Variants in PDE4D observed in about 807,000 individuals in gnomAD.
PDE4D encodes the protein 3',5'-cyclic-AMP phosphodiesterase 4D.
PDE4D carries 24 observed loss-of-function variants against 87.4 expected under a neutral mutation model. The ratio of observed to expected loss-of-function variants is 0.27; its 90% CI spans 0.20 to 0.39. The LOEUF (loss-of-function observed/expected upper bound fraction) is 0.39, where lower values mean the gene tolerates loss of function less well. Among genes scored for constraint, PDE4D ranks in the 10% least tolerant of loss-of-function variants. The pLI is 1.00. For missense variants in PDE4D, 714 were observed against 1,041.0 expected (o/e 0.69, Z 4.32); for synonymous variants, 384 against 383.2 (o/e 1.00, Z -0.02).
At chr5:59,904,774 C>A (rs1487556539) in intron 3 of PDE4D, among the ~76,000 whole-genome samples, 1 of 151,938 alleles carries the variant, frequency 6.6e-6, no homozygotes, top group African/African-American at 2.4e-5. Flanking sequence ...AGATTGGAGC[C>A]CAATTATTCA....
At chr5:59,893,012 A>G (rs1751184478) in intron 1 of PDE4D, among the ~76,000 whole-genome samples, 156 bp downstream of exon 1, 1 of 152,056 alleles carries the variant, frequency 6.6e-6, no homozygotes, top group South Asian at 2.1e-4. Flanking sequence ...CTCTCAATAA[A>G]GGATAGGCAC....
At chr5:60,292,054 C>A (rs1056358207) in intron 1 of PDE4D, among the ~76,000 whole-genome samples, 6 of 152,080 alleles carry the variant, frequency 3.9e-5, no homozygotes, top group African/African-American at 1.2e-4. Flanking sequence ...CTAGATATAA[C>A]GTCAGACTCT....
At chr5:59,102,190 G>A (rs915478165) in intron 5 of PDE4D, among the ~76,000 whole-genome samples, 6 of 149,256 alleles carry the variant, frequency 4.0e-5, no homozygotes, top group Admixed American at 6.8e-5. Context: ...GGGTTCAAGC[G>A]ATTCTCCTGC....
At chr5:59,269,953 C>T (rs541998659) in intron 1 of PDE4D, among the ~76,000 whole-genome samples, 1 of 152,172 alleles carries the variant, frequency 6.6e-6, no homozygotes, top group South Asian at 2.1e-4. Context: ...GACTTGGCTT[C>T]AGAGGGACTA....
chr5:59,344,106 T>C (rs938872595), intron 1 of PDE4D, among the ~76,000 whole-genome samples: 29 of 152,220 alleles, frequency 1.9e-4, no homozygotes, highest in African/African-American at 6.8e-4. Flanking sequence ...AAGTACATTA[T>C]GCCTTCATAC....
intron 1 of PDE4D, among the ~76,000 whole-genome samples, chr5:60,470,061 T>A (rs950416034): frequency 6.6e-6 from 1 of 152,128 alleles, no homozygotes; most frequent in South Asian, 2.1e-4. Context: ...AAGAGAAAAG[T>A]TCTGAAAGAA....
At chr5:59,931,535 G>A (rs375766657) in intron 3 of PDE4D, among the ~76,000 whole-genome samples, 1 of 152,054 alleles carries the variant, frequency 6.6e-6, no homozygotes, top group East Asian at 1.9e-4. Flanking sequence ...AGGGGACTGA[G>A]CATGCCAGCT....
At chr5:59,524,612 T>C (rs753713099) in intron 1 of PDE4D, among the ~76,000 whole-genome samples, 2 of 152,208 alleles carry the variant, frequency 1.3e-5, no homozygotes, top group East Asian at 1.9e-4. Context: ...AGTAATGAGA[T>C]GCCAAATGTT....
chr5:59,540,240 C>T (rs37571), intron 1 of PDE4D, among the ~76,000 whole-genome samples: 123,316 of 152,122 alleles, frequency 0.81, 50,092 homozygotes, highest in South Asian at 0.9. Context: ...TGTCCTCTTG[C>T]TCTCTTTCTT....
chr5:60,514,341 A>G (rs1425527381), intron 1 of PDE4D, among the ~76,000 whole-genome samples: 3 of 152,084 alleles, frequency 2.0e-5, no homozygotes, highest in Admixed American at 6.5e-5. Context: ...CCCAACTTGT[A>G]TTATGAAGTC....
At chr5:60,511,517 T>TTAA (rs150885033) in intron 1 of PDE4D, among the ~76,000 whole-genome samples, 3,190 of 147,732 alleles carry the variant, frequency 0.022, 81 homozygotes, top group African/African-American at 0.051. Flanking sequence ...CTATAGAAAT[T>TTAA]TAATAATAAT....
intron 5 of PDE4D, chr5:59,039,557 C>A: frequency 1.0e-6 from 1 of 977,318 alleles, no homozygotes; most frequent in Non-Finnish European, 1.2e-6. Context: ...AGGCGCAGCG[C>A]GGCTCCAACG....
chr5:60,197,106 T>C (rs969107131), intron 1 of PDE4D, among the ~76,000 whole-genome samples: 8 of 149,884 alleles, frequency 5.3e-5, no homozygotes, highest in African/African-American at 7.4e-5. Flanking sequence ...GATAGATAGA[T>C]AGATAGATAG....
At chr5:59,502,740 C>T (rs1242097969) in intron 1 of PDE4D, among the ~76,000 whole-genome samples, 1 of 149,412 alleles carries the variant, frequency 6.7e-6, no homozygotes, top group Non-Finnish European at 1.5e-5. Context: ...TTTTGTAAAA[C>T]TCTCCTTAGG....
chr5:59,996,727 C>T (rs910037890), intron 2 of PDE4D, among the ~76,000 whole-genome samples: 5 of 152,222 alleles, frequency 3.3e-5, no homozygotes, highest in Non-Finnish European at 7.4e-5. Flanking sequence ...ACATCCTGTC[C>T]TTTAATATAG....
At chr5:59,272,613 A>T (rs1053279332) in intron 1 of PDE4D, among the ~76,000 whole-genome samples, 20 of 152,132 alleles carry the variant, frequency 1.3e-4, no homozygotes, top group African/African-American at 4.6e-4. Flanking sequence ...TTCCTTAAAT[A>T]AAAGCAACCT....
chr5:59,947,194 A>G (rs1757812317), intron 3 of PDE4D, among the ~76,000 whole-genome samples: 1 of 152,238 alleles, frequency 6.6e-6, no homozygotes, highest in South Asian at 2.1e-4. Context: ...ATCATCTTAA[A>G]GTTTCCTTTC....
chr5:60,120,102 T>C (rs924160361), intron 2 of PDE4D, among the ~76,000 whole-genome samples: 2 of 152,234 alleles, frequency 1.3e-5, no homozygotes, highest in Non-Finnish European at 2.9e-5. Flanking sequence ...GAAAAAAGCA[T>C]TGTTATGCAT....
chr5:59,622,361 CAG>C (rs1472722334), intron 1 of PDE4D, among the ~76,000 whole-genome samples: 5 of 152,070 alleles, frequency 3.3e-5, no homozygotes, highest in Admixed American at 3.3e-4. Flanking sequence ...AAAGTCATGC[CAG>C]AGTTATTACA....
Sources: allele counts gnomAD v4.1 joint callset (sites outside exome capture counted in the v4.1 genomes callset), GRCh38; gene constraint gnomAD v4.1.1; transcripts MANE v1.5; gene names NCBI Gene and HGNC (gene_info 2026-07-23, HGNC 2026-07-21).